Variants in SUMF1 observed in about 807,000 individuals in gnomAD.
SUMF1 encodes the protein formylglycine-generating enzyme.
In SUMF1, 48 loss-of-function variants were observed where a neutral mutation model predicts 47.6. The ratio of observed to expected loss-of-function variants is 1.01; its 90% confidence interval spans 0.80 to 1.28. The LOEUF is 1.28. SUMF1 is among the 50% of genes most tolerant of loss of function. The pLI is 0.00. For synonymous variants in SUMF1, 230 were observed against 192.1 expected (o/e 1.20, Z -1.63); for missense variants, 571 against 485.4 (o/e 1.18, Z -1.66).
At chr3:4,106,122 C>G (rs184316024) in intron 8 of SUMF1, among the ~76,000 whole-genome samples, 1 of 152,088 alleles carries the variant, frequency 6.6e-6, no homozygotes, top group Admixed American at 6.5e-5. Flanking sequence ...ACCTCCTTCT[C>G]TAAGTCACCT....
At chr3:4,186,874 T>A (rs1695211327) in intron 8 of SUMF1, among the ~76,000 whole-genome samples, 1 of 152,184 alleles carries the variant, frequency 6.6e-6, no homozygotes, top group Non-Finnish European at 1.5e-5. Context: ...TGTGTTCCTT[T>A]GATATAATTT....
intron 8 of SUMF1, among the ~76,000 whole-genome samples, chr3:4,122,321 A>AT (rs1693563269): frequency 6.6e-6 from 1 of 152,200 alleles, no homozygotes; most frequent in Non-Finnish European, 1.5e-5. Flanking sequence ...ATATGATTTC[A>AT]TTTCTATGAA....
intron 8 of SUMF1, among the ~76,000 whole-genome samples, chr3:4,253,442 T>G (rs562061434): frequency 1.3e-5 from 2 of 152,286 alleles, no homozygotes; most frequent in South Asian, 4.1e-4. Context: ...AGGCATTGCC[T>G]CACCTGGGAA....
intron 9 of SUMF1, among the ~76,000 whole-genome samples, chr3:4,059,035 A>C (rs2125026671): frequency 6.6e-6 from 1 of 152,300 alleles, no homozygotes; most frequent in East Asian, 1.9e-4. Context: ...AACAGCAGAG[A>C]AAAGAGGGCA....
At chr3:4,238,879 G>A (rs1696473498) in intron 8 of SUMF1, among the ~76,000 whole-genome samples, 1 of 152,144 alleles carries the variant, frequency 6.6e-6, no homozygotes, top group South Asian at 2.1e-4. Context: ...TATTGCCCAG[G>A]TTTTCTTCCA....
chr3:4,170,715 G>T (rs1694814740), intron 8 of SUMF1, among the ~76,000 whole-genome samples: 1 of 152,078 alleles, frequency 6.6e-6, no homozygotes, highest in Non-Finnish European at 1.5e-5. Flanking sequence ...AAGGTGAAAA[G>T]ATAATTCAGT....
intron 8 of SUMF1, among the ~76,000 whole-genome samples, chr3:4,285,348 A>G (rs938377125): frequency 1.3e-5 from 2 of 152,188 alleles, no homozygotes; most frequent in Admixed American, 6.5e-5. Context: ...TACTCAAAAT[A>G]ATAAAGTGGC....
chr3:4,036,328 T>C (rs1432314673), intron 9 of SUMF1, among the ~76,000 whole-genome samples: 1 of 152,170 alleles, frequency 6.6e-6, no homozygotes, highest in Admixed American at 6.5e-5. Context: ...CTATAAACTG[T>C]TATCTTATTT....
intron 7 of SUMF1, among the ~76,000 whole-genome samples, chr3:4,392,725 T>C (rs17756387): frequency 0.027 from 4,110 of 151,528 alleles, 91 homozygotes; most frequent in Middle Eastern, 0.045. Flanking sequence ...CCTATTTTCC[T>C]GAAGGTTTTT....
chr3:4,170,021 G>C (rs1268583305), intron 8 of SUMF1, among the ~76,000 whole-genome samples: 2 of 152,154 alleles, frequency 1.3e-5, no homozygotes, highest in Non-Finnish European at 2.9e-5. Context: ...GGAGAGGTGA[G>C]AATGGAATAC....
chr3:4,200,896 CTA>C (rs1695526775), intron 8 of SUMF1, among the ~76,000 whole-genome samples: 1 of 152,116 alleles, frequency 6.6e-6, no homozygotes, highest in African/African-American at 2.4e-5. Context: ...TTCCACTGAT[CTA>C]TAGTTTATAT....
intron 7 of SUMF1, among the ~76,000 whole-genome samples, chr3:4,389,300 T>A (rs1187173062): frequency 8.6e-5 from 13 of 151,982 alleles, no homozygotes; most frequent in Admixed American, 8.5e-4. Flanking sequence ...GCCTTCATGG[T>A]CACCAATGGG....
chr3:4,091,887 T>TA (rs56037759), intron 8 of SUMF1, among the ~76,000 whole-genome samples: 42,600 of 143,166 alleles, frequency 0.3, 6,477 homozygotes, highest in Non-Finnish European at 0.37. Flanking sequence ...GTGTGCAATT[T>TA]AAAAAAAAAA....
intron 8 of SUMF1, among the ~76,000 whole-genome samples, chr3:4,254,269 C>G (rs1285140329): frequency 6.6e-6 from 1 of 151,864 alleles, no homozygotes; most frequent in African/African-American, 2.4e-5. Context: ...TGGAGAATGA[C>G]TTTGACGAGC....
At chr3:4,405,549 G>A (rs1057481724) in intron 7 of SUMF1, among the ~76,000 whole-genome samples, 11 of 152,052 alleles carry the variant, frequency 7.2e-5, no homozygotes, top group African/African-American at 2.4e-4. Flanking sequence ...ACCATGCCCA[G>A]CTAACTTTTT....
chr3:4,365,101 T>C (rs1159126858), intron 8 of SUMF1, among the ~76,000 whole-genome samples: 1 of 149,950 alleles, frequency 6.7e-6, no homozygotes, highest in South Asian at 2.1e-4. Flanking sequence ...TAATTTCTGT[T>C]CTTTTACATT....
At chr3:4,382,303 T>G (rs915857528) in intron 7 of SUMF1, among the ~76,000 whole-genome samples, 1 of 150,570 alleles carries the variant, frequency 6.6e-6, no homozygotes, top group Non-Finnish European at 1.5e-5. Context: ...GAAGTATTTT[T>G]AATTACTCTT....
intron 8 of SUMF1, among the ~76,000 whole-genome samples, chr3:4,346,404 T>G (rs1046522577): frequency 6.6e-6 from 1 of 152,158 alleles, no homozygotes; most frequent in East Asian, 1.9e-4. Context: ...TCATGGAAAT[T>G]GAACAACCTG....
chr3:4,331,255 T>G (rs1259393627), intron 8 of SUMF1, among the ~76,000 whole-genome samples: 3 of 152,066 alleles, frequency 2.0e-5, no homozygotes, highest in Non-Finnish European at 2.9e-5. Context: ...TAGGCAAAAT[T>G]ACTTTCCTTT....
Sources: allele counts gnomAD v4.1 joint callset (sites outside exome capture counted in the v4.1 genomes callset), GRCh38; gene constraint gnomAD v4.1.1; transcripts MANE v1.5; gene names NCBI Gene and HGNC (gene_info 2026-07-23, HGNC 2026-07-21).